KDM7A: variants seen among roughly 807,000 people sequenced by gnomAD.
The protein encoded by KDM7A is lysine-specific demethylase 7A.
A neutral mutation model predicts 114.8 loss-of-function variants in KDM7A; 28 were observed. The observed-to-expected ratio is 0.24, with a 90% confidence interval of 0.18 to 0.33. The LOEUF (loss-of-function observed/expected upper bound fraction) is 0.33. Among genes scored for constraint, KDM7A ranks in the 10% least tolerant of loss-of-function variants. The pLI is 1.00. For missense variants in KDM7A, 942 were observed against 1,142.5 expected (o/e 0.82, Z 2.53); for synonymous variants, 423 against 397.8 (o/e 1.06, Z -0.75).
rs73160849 is a variant in KDM7A at position 140,098,710 on chromosome 7, G to A, written c.1918+169C>T. Among the ~76,000 whole-genome samples, 282 of 152,218 alleles carry A rather than the reference G, an allele frequency of 1.9e-3. 2 individuals are homozygous for A. Among genetic ancestry groups the A allele is most frequent in the South Asian group, 0.011 (55 of 4,824 alleles). ...GGCCACTGGGCGTATACCTCACTGG[G>A]CATTCACGTTCAGCACTTCTCTCAT... On this transcript the variant is annotated intron_variant, in intron 14 of 19. Transcript: ENST00000397560.
chr7:140,137,565 T>G (rs1348054310), intron 2 of KDM7A, among the ~76,000 whole-genome samples: 5 of 152,212 alleles, frequency 3.3e-5, no homozygotes, highest in African/African-American at 1.2e-4. Flanking sequence ...ATATACTCAG[T>G]GCTAGCCAGA....
intron 1 of KDM7A, among the ~76,000 whole-genome samples, chr7:140,155,412 ACT>A (rs1794448091): frequency 1.3e-5 from 2 of 152,178 alleles, no homozygotes; most frequent in Admixed American, 1.3e-4. Flanking sequence ...CACCACAAGC[ACT>A]CTGATTTCAA....
intron 13 of KDM7A, 69 bp downstream of exon 13, chr7:140,099,830 C>T (rs1818173813): frequency 6.9e-7 from 1 of 1,459,810 alleles, no homozygotes. Context: ...TTGAGGACCA[C>T]TGGGTTAAAT....
chr7:140,144,294 T>C (rs1794316196), intron 1 of KDM7A, among the ~76,000 whole-genome samples: 1 of 152,186 alleles, frequency 6.6e-6, no homozygotes, highest in East Asian at 1.9e-4. Flanking sequence ...TGAGACAACA[T>C]ACATATGCAA....
chr7:140,128,781 A>G lies in KDM7A; in HGVS notation c.559+712T>C, dbSNP rs1330330495. Among the ~76,000 whole-genome samples, 7 of 152,352 alleles carry G rather than the reference A, an allele frequency of 4.6e-5. No individual in the cohort carries two copies. In the East Asian group the frequency reaches 1.3e-3, roughly 29 times the overall value. ...AATTTTGAGTCAAAATAGATTTGGA[A>G]TCTAATCTCAAATATTCTCTATCTA... On this transcript the variant is annotated intron_variant, in intron 4 of 19. Coordinates refer to ENST00000397560, the MANE Select transcript of KDM7A (RefSeq NM_030647.2).
chr7:140,125,996 C>T (rs1338063771), intron 6 of KDM7A, among the ~76,000 whole-genome samples: 2 of 152,108 alleles, frequency 1.3e-5, no homozygotes, highest in Non-Finnish European at 2.9e-5. Context: ...CCTCAACTTC[C>T]TGGGCTCAAG....
chr7:140,126,631 T>C lies in KDM7A; in HGVS notation c.888+6A>G. On this transcript the variant is annotated splice_donor_region_variant and intron_variant, in intron 6 of 19. Coordinates refer to ENST00000397560, the MANE Select transcript of KDM7A (RefSeq NM_030647.2). ...AGTGAGAGAACAAAAAATACCCCAA[T>C]CTTACCCAGAGGACATGGTACCAGA... is the stretch of plus-strand genomic sequence containing the variant. 1 of 1,582,192 alleles carries C rather than the reference T, an allele frequency of 6.3e-7. No homozygotes were observed. The highest frequency in any genetic ancestry group is 1.2e-5 in the South Asian group (1 of 84,542).
intron 1 of KDM7A, among the ~76,000 whole-genome samples, chr7:140,159,081 C>A (rs750713405): frequency 1.3e-5 from 2 of 152,220 alleles, no homozygotes; most frequent in Non-Finnish European, 2.9e-5. Flanking sequence ...CTTGGTGACT[C>A]ATACCTGTAA....
chr7:140,147,148 GA>G lies in KDM7A; in HGVS notation c.195-7959del, dbSNP rs35351675. Among the ~76,000 whole-genome samples, 106 of 143,340 alleles carry G rather than the reference GA, an allele frequency of 7.4e-4. 1 individual carries two copies. In the South Asian group the frequency reaches 0.012, roughly 16 times the overall value. 94.0% of individuals were successfully genotyped at this position (143,340 alleles called of 152,430 possible). A position where few individuals can be genotyped will look rare whatever the true frequency, so the allele number is the denominator to read the frequency against. ...TACACATTTCCTACCAAAAGGGTAG[GA>G]AAAAAAAAAACACATTTCCACTGAC... On this transcript the variant is annotated intron_variant, in intron 1 of 19. Transcript: ENST00000397560.
intron 14 of KDM7A, 105 bp from the exon 15 acceptor site, chr7:140,097,747 T>C: frequency 1.6e-6 from 1 of 626,158 alleles, no homozygotes; most frequent in Non-Finnish European, 2.9e-6. Context: ...TGTCTCTCAA[T>C]CTCTCTTGCT....
At chr7:140,170,586 T>C (rs929088652) in intron 1 of KDM7A, among the ~76,000 whole-genome samples, 21 of 152,212 alleles carry the variant, frequency 1.4e-4, no homozygotes, top group Non-Finnish European at 1.8e-4. Flanking sequence ...ATTCCTCATG[T>C]GTAAAATGGG....
chr7:140,105,499 GGCT>G (rs1562947619), intron 11 of KDM7A, among the ~76,000 whole-genome samples: 1 of 152,128 alleles, frequency 6.6e-6, no homozygotes, highest in Non-Finnish European at 1.5e-5. Context: ...TAGCATGAAG[GGCT>G]GCTGAATTTC....
chr7:140,127,693 A>G, intron 4 of KDM7A, 110 bp from the exon 5 acceptor site: 1 of 942,398 alleles, frequency 1.1e-6, no homozygotes, highest in South Asian at 1.4e-5. Flanking sequence ...CTATAAAACT[A>G]TGTAGTCTAG....
intron 1 of KDM7A, among the ~76,000 whole-genome samples, chr7:140,154,757 T>TC (rs1794440161): frequency 6.6e-6 from 1 of 151,596 alleles, no homozygotes; most frequent in South Asian, 2.1e-4. Flanking sequence ...CCTTTTTTTT[T>TC]CCCCACAAAA....
Position 140,099,986 on chromosome 7 carries a change from T to C in KDM7A, c.1676A>G (p.Lys559Arg), listed in dbSNP as rs892225529. The part of the protein sequence containing the change: ...LSSKLNGKFN[K>R]HLQPSSTVPE... ...TACTGTGGAGGATGGTTGGAGATGT[T>C]TGTTGAATTTTCCATTCAGTTTAGA... Residue 559 changes from lysine (K) to arginine (R), a missense_variant, in exon 13 of 20, where the codon AAA becomes AGA. This residue lies in a region of KDM7A where 512 missense variants were observed against 576.6 expected (regional missense o/e 0.89). Transcript: ENST00000397560. The C allele has an allele frequency of 3.1e-6, 5 of 1,613,988 alleles. No individual in the cohort carries two copies. In the African/African-American group the frequency reaches 4.0e-5, roughly 13 times the overall value.
chr7:140,153,573 G>A (rs1197559460), intron 1 of KDM7A, among the ~76,000 whole-genome samples: 1 of 151,924 alleles, frequency 6.6e-6, no homozygotes, highest in Non-Finnish European at 1.5e-5. Context: ...CAATTGTTCT[G>A]GTGAACTTTA....
intron 1 of KDM7A, among the ~76,000 whole-genome samples, chr7:140,152,546 C>T (rs1009944465): frequency 4.0e-5 from 4 of 99,360 alleles, no homozygotes; most frequent in African/African-American, 1.5e-4. Flanking sequence ...ATCACTTGAT[C>T]CCGGGAGGCG....
At position 140,176,607 on chromosome 7, in the gene KDM7A, G is replaced by T. The variant is rs949706411; in HGVS notation, c.194+137C>A. ...CCGCGCGCCCCACTGCCCGGCCGGG[G>T]GGCTAGGCACCGGGGCCCCCTGAAA... On this transcript the variant is annotated intron_variant, in intron 1 of 19. Coordinates refer to ENST00000397560, the MANE Select transcript of KDM7A (RefSeq NM_030647.2). The surrounding 1 kb of genome is among the most constrained non-coding windows in gnomAD (Gnocchi z 4.4). 2 of 536,182 alleles carry T rather than the reference G, an allele frequency of 3.7e-6. No homozygotes were observed. The highest frequency in any genetic ancestry group is 4.2e-5 in the African/African-American group (2 of 47,784). The allele number at this position is 536,182 out of a possible 1,614,324, so 33.2% of individuals were successfully genotyped here.
At chr7:140,133,997 G>A (rs77193488) in intron 2 of KDM7A, among the ~76,000 whole-genome samples, 1 of 152,030 alleles carries the variant, frequency 6.6e-6, no homozygotes, top group Non-Finnish European at 1.5e-5. Context: ...AGAACATTAG[G>A]TCCTAATATG....
Sources: gnomAD v4.1 joint callset for allele counts (sites outside exome capture counted in the v4.1 genomes callset) on GRCh38, gnomAD v4.1.1 for gene constraint, gnomAD v4.1.1 regional missense constraint, Gnocchi (gnomAD v3.1) non-coding constraint, MANE v1.5 for transcripts, NCBI Gene and HGNC (gene_info 2026-07-23, HGNC 2026-07-21) for gene names.